The following BRSK2 variants were observed in gnomAD, a reference collection of about 807,000 sequenced individuals.
BRSK2 encodes serine/threonine-protein kinase BRSK2.
BRSK2 carries 19 observed loss-of-function variants against 83.3 expected under a neutral mutation model. The observed-to-expected ratio is 0.23, with a 90% CI of 0.16 to 0.33. The LOEUF (loss-of-function observed/expected upper bound fraction) is 0.33. BRSK2 is among the 10% of genes least tolerant of loss of function. BRSK2 has a pLI of 1.00. For synonymous variants in BRSK2, 519 were observed against 435.4 expected (o/e 1.19, Z -2.39); for missense variants, 798 against 1,042.3 (o/e 0.77, Z 3.23).
intron 4 of BRSK2, 57 bp downstream of exon 4, chr11:1,440,985 TA>T: frequency 6.9e-7 from 1 of 1,455,656 alleles, no homozygotes; most frequent in Non-Finnish European, 9.2e-7. Flanking sequence ...CCCAGTGCGC[TA>T]CCACAGATGC....
Position 1,461,915 on chromosome 11 carries a change from CTG to C in BRSK2, c.*1193_*1194del, listed in dbSNP as rs1491149091. On this transcript the variant is annotated 3_prime_UTR_variant, in exon 20 of 20. Transcript: ENST00000528841. ...TCTCTGTGGAGAAGCAGCTCCACCT[CTG>C]GGGGGGCTCGGGGCAGAGGGGCGGT... 2 of 151,634 alleles carry C rather than the reference CTG, an allele frequency of 1.3e-5. No homozygotes were observed. Among genetic ancestry groups the C allele is most frequent in the Non-Finnish European group, 2.9e-5 (2 of 67,892 alleles). The allele number at this position is 151,634 out of a possible 1,614,324, so 9.4% of individuals were successfully genotyped here.
At chr11:1,429,486 C>T (rs1465684651) in intron 1 of BRSK2, among the ~76,000 whole-genome samples, 1 of 152,190 alleles carries the variant, frequency 6.6e-6, no homozygotes, top group Non-Finnish European at 1.5e-5. Flanking sequence ...ACGTGCTGTC[C>T]CTGCCCAGGG....
chr11:1,411,797 C>T (rs1436132303), intron 1 of BRSK2, among the ~76,000 whole-genome samples: 2 of 152,302 alleles, frequency 1.3e-5, no homozygotes, highest in East Asian at 1.9e-4. Flanking sequence ...GCGCTGCCTG[C>T]CCCTATGTGG....
intron 1 of BRSK2, among the ~76,000 whole-genome samples, chr11:1,426,421 T>C (rs963332133): frequency 2.0e-5 from 3 of 152,150 alleles, no homozygotes; most frequent in Non-Finnish European, 2.9e-5. Context: ...ACTGTCACTT[T>C]AATCCTTTCA....
At chr11:1,428,953 G>A (rs1430411386) in intron 1 of BRSK2, among the ~76,000 whole-genome samples, 9 of 150,922 alleles carry the variant, frequency 6.0e-5, no homozygotes, top group East Asian at 2.0e-4. Flanking sequence ...GTGTGTGCAC[G>A]GGTGTGTGCC....
chr11:1,429,398 A>C (rs1262118646), intron 1 of BRSK2, among the ~76,000 whole-genome samples: 1 of 116,218 alleles, frequency 8.6e-6, no homozygotes, highest in Non-Finnish European at 1.8e-5. Flanking sequence ...CACTGAGTGT[A>C]GGCACAGGGG....
intron 1 of BRSK2, among the ~76,000 whole-genome samples, chr11:1,435,612 G>A (rs1311108663): frequency 1.3e-5 from 2 of 148,910 alleles, no homozygotes; most frequent in Non-Finnish European, 3.0e-5. Flanking sequence ...GGGTCTCGGC[G>A]GAGGGCTGCG....
In BRSK2 at chr11:1,460,992, T is replaced by A. The variant is rs764849090; in HGVS notation, c.*269T>A. 2 of 1,612,260 alleles carry A rather than the reference T, an allele frequency of 1.2e-6. No individual in the cohort carries two copies. Among genetic ancestry groups the A allele is most frequent in the South Asian group, 1.1e-5 (1 of 91,022 alleles). The stretch of plus-strand genomic sequence containing the variant: ...CAGGAATTATCCCGAAAAGTTAACA[T>A]GTCACCTCCACGAGGCCATCCTCTG... On this transcript the variant is annotated 3_prime_UTR_variant, in exon 20 of 20. Coordinates refer to ENST00000528841, the MANE Select transcript of BRSK2 (RefSeq NM_001256627.2).
At chr11:1,447,872 C>G (rs776906793) in intron 12 of BRSK2, 9 of 1,592,294 alleles carry the variant, frequency 5.7e-6, no homozygotes, top group African/African-American at 1.3e-5. Flanking sequence ...AGGTATACAC[C>G]CCGACCACCC....
chr11:1,447,745 G>T (rs1456914727), intron 12 of BRSK2: 1 of 1,551,672 alleles, frequency 6.4e-7, no homozygotes, highest in African/African-American at 1.4e-5. Flanking sequence ...GGGCCGACCT[G>T]TGCCCGCGTG....
chr11:1,391,901 T>A lies in BRSK2; in HGVS notation c.91+1526T>A, dbSNP rs147652569. On this transcript the variant is annotated intron_variant, in intron 1 of 19. Coordinates refer to ENST00000528841, the MANE Select transcript of BRSK2 (RefSeq NM_001256627.2). ...GGTAGGGGCTGGTCTCCACTCTTCA[T>A]GGCATTCTGCTGGCGGCAGTTAATT... is the stretch of plus-strand genomic sequence containing the variant. Among the ~76,000 whole-genome samples the A allele has an allele frequency of 2.5e-3, 378 of 152,260 alleles. 4 individuals carry two copies. Among genetic ancestry groups the A allele is most frequent in the African/African-American group, 8.8e-3 (366 of 41,542 alleles).
intron 1 of BRSK2, among the ~76,000 whole-genome samples, chr11:1,407,715 T>C (rs1057023537): frequency 1.3e-5 from 2 of 152,256 alleles, no homozygotes; most frequent in Non-Finnish European, 2.9e-5. Flanking sequence ...GGCTAATCTT[T>C]CAATATTGAA....
chr11:1,407,126 G>A (rs1305360553), intron 1 of BRSK2, among the ~76,000 whole-genome samples: 1 of 152,198 alleles, frequency 6.6e-6, no homozygotes, highest in East Asian at 1.9e-4. Flanking sequence ...GGCCTGGCAG[G>A]TGCAGAGCGG....
chr11:1,446,369 TGAGCTGGGCA>T (rs1852124006), intron 12 of BRSK2, among the ~76,000 whole-genome samples: 1 of 149,072 alleles, frequency 6.7e-6, no homozygotes, highest in African/African-American at 2.5e-5. Flanking sequence ...AGGGCTGGGC[TGAGCTGGGCA>T]GGGCTGGGCT....
intron 12 of BRSK2, among the ~76,000 whole-genome samples, chr11:1,449,117 G>A (rs901995471): frequency 2.0e-5 from 3 of 152,224 alleles, no homozygotes; most frequent in Non-Finnish European, 2.9e-5. Context: ...GTCCCTGCAC[G>A]GGGGTGGCGG....
In BRSK2 at chr11:1,454,683, C is replaced by T; in HGVS notation, c.1668+75C>T. The stretch of plus-strand genomic sequence containing the variant: ...CGGCCCAGCCCCGAGAATCCAGCCT[C>T]CTCACGTAGACAGGACATGTCCACG... On this transcript the variant is annotated intron_variant, in intron 16 of 19. Coordinates refer to ENST00000528841, the MANE Select transcript of BRSK2 (RefSeq NM_001256627.2). This position sits in a 1 kb window ranked among gnomAD's most constrained non-coding sequence, Gnocchi z 5.2. 3 of 1,570,232 alleles carry T rather than the reference C, an allele frequency of 1.9e-6. No homozygotes were observed. The highest frequency in any genetic ancestry group is 2.6e-6 in the Non-Finnish European group (3 of 1,152,074).
At chr11:1,410,793 GC>G (rs1847393756) in intron 1 of BRSK2, 7 of 985,302 alleles carry the variant, frequency 7.1e-6, no homozygotes, top group Non-Finnish European at 7.2e-6. Flanking sequence ...GCCACAGGTG[GC>G]CCCCCCGCCA....
chr11:1,456,544 C>CA lies in BRSK2; in HGVS notation c.1849+17dup. The CA allele has an allele frequency of 3.8e-6, 6 of 1,596,246 alleles. No homozygotes were observed. Among genetic ancestry groups the CA allele is most frequent in the Non-Finnish European group, 5.1e-6 (6 of 1,171,840 alleles). On this transcript the variant is annotated intron_variant, in intron 17 of 19. Transcript: ENST00000528841. Reference sequence around the variant, plus strand: ...CTGCTCTCAGGTGAGCTGGCGCCCCCAGGGCGGCTCCGGGCCCAGGCCCGT... The same window carrying CA: ...CTGCTCTCAGGTGAGCTGGCGCCCCCAAGGGCGGCTCCGGGCCCAGGCCCGT...
At chr11:1,437,776 G>A (rs767282613) in intron 2 of BRSK2, among the ~76,000 whole-genome samples, 7 of 152,186 alleles carry the variant, frequency 4.6e-5, no homozygotes, top group Non-Finnish European at 1.0e-4. Flanking sequence ...CCCTGCATCC[G>A]ACTGGCTGGG....
Sources: allele counts gnomAD v4.1 joint callset (sites outside exome capture counted in the v4.1 genomes callset), GRCh38; gene constraint gnomAD v4.1.1; non-coding constraint Gnocchi (gnomAD v3.1); transcripts MANE v1.5; gene names NCBI Gene and HGNC (gene_info 2026-07-23, HGNC 2026-07-21).